Variants in CDCP1 observed in about 807,000 individuals in gnomAD.
CDCP1 encodes the protein CUB domain-containing protein 1.
In CDCP1, 29 loss-of-function variants were observed where a neutral mutation model predicts 60.2. The observed-to-expected ratio is 0.48, with a 90% CI of 0.36 to 0.66. The LOEUF (loss-of-function observed/expected upper bound fraction) is 0.66, where lower values mean the gene tolerates loss of function less well. Ranked by LOEUF, CDCP1 falls within the 30% of genes least tolerant of loss-of-function variation. CDCP1 has a pLI of 0.00. For synonymous variants in CDCP1, 387 were observed against 431.1 expected, an observed-to-expected ratio of 0.90 and a Z score of 1.27; for missense variants, 876 against 1,074.3, an observed-to-expected ratio of 0.82 and a Z score of 2.58.
intron 4 of CDCP1, among the ~76,000 whole-genome samples, chr3:45,107,003 G>T (rs989177516): frequency 6.6e-6 from 1 of 152,096 alleles, no homozygotes; most frequent in African/African-American, 2.4e-5. Context: ...CACAGATGGG[G>T]CCTCCTGCAC....
At chr3:45,145,482 A>C (rs1050931131) in intron 1 of CDCP1, among the ~76,000 whole-genome samples, 2 of 152,134 alleles carry the variant, frequency 1.3e-5, no homozygotes, top group Non-Finnish European at 2.9e-5. Context: ...CGAAATTCAC[A>C]CATATCCCCG....
chr3:45,092,851 C>A (rs1000202769), intron 6 of CDCP1, among the ~76,000 whole-genome samples: 1 of 152,202 alleles, frequency 6.6e-6, no homozygotes, highest in Non-Finnish European at 1.5e-5. Flanking sequence ...TCCCTCCCAA[C>A]GCTCCTCCCT....
chr3:45,141,989 G>C (rs543064961), intron 1 of CDCP1, among the ~76,000 whole-genome samples: 12 of 152,206 alleles, frequency 7.9e-5, no homozygotes, highest in African/African-American at 2.9e-4. Context: ...GTACCACCAT[G>C]TTTGGCTAAT....
At chr3:45,138,807 T>C (rs930803889) in intron 1 of CDCP1, among the ~76,000 whole-genome samples, 3 of 151,980 alleles carry the variant, frequency 2.0e-5, no homozygotes, top group African/African-American at 4.8e-5. Flanking sequence ...GATTGTGCCA[T>C]TGTACTCTAG....
intron 1 of CDCP1, among the ~76,000 whole-genome samples, chr3:45,145,324 G>T (rs1266957358): frequency 1.3e-5 from 2 of 152,054 alleles, no homozygotes; most frequent in Non-Finnish European, 2.9e-5. Context: ...TACTAATCTC[G>T]CGAAACCTGT....
intron 4 of CDCP1, among the ~76,000 whole-genome samples, chr3:45,099,185 T>C (rs1364217013): frequency 1.3e-5 from 2 of 151,976 alleles, no homozygotes; most frequent in African/African-American, 4.8e-5. Context: ...AGGTGCTTCT[T>C]GAGAAAGTAT....
In CDCP1 at chr3:45,118,874, T is replaced by C. The variant is rs148849797; in HGVS notation, c.83-253A>G. The stretch of plus-strand genomic sequence containing the variant: ...TAATTTTTCTACAAATTGAAAACAC[T>C]ATACCACATTCTAGATGTCTTGAGC... On this transcript the variant is annotated intron_variant, in intron 1 of 8. Transcript: ENST00000296129. Among the ~76,000 whole-genome samples the C allele has an allele frequency of 1.0e-3, 156 of 152,376 alleles. 2 individuals carry two copies. Among genetic ancestry groups the C allele is most frequent in the African/African-American group, 3.6e-3 (149 of 41,580 alleles).
rs978997939 is a variant in CDCP1 at position 45,115,413 on chromosome 3, A to G, written c.293-2968T>C. On this transcript the variant is annotated intron_variant, in intron 2 of 8. Transcript: ENST00000296129. The stretch of plus-strand genomic sequence containing the variant: ...TTTGTGTGCATGTATGTAAGTGTGC[A>G]TGTGCACATGTGTGTATTTAATAGA... 2.4e-4 allele frequency among the ~76,000 whole-genome samples: 36 copies of G among 152,314 alleles called. 1 individual carries two copies. Among genetic ancestry groups the G allele is most frequent in the Middle Eastern group, 6.8e-3 (2 of 294 alleles).
chr3:45,112,228 G>A lies in CDCP1; in HGVS notation c.510C>T (p.Thr170=), dbSNP rs746674945. ...THSISGRIDA[T]VVRIGTFCSN... The stretch of plus-strand genomic sequence containing the variant: ...TGCAGAAGGTTCCGATCCTGACCAC[G>A]GTGGCATCGATTCGGCCGCTGATGG... The change falls in exon 3 of 9, where the codon ACC becomes ACT. Residue 170 remains threonine (T), a synonymous_variant. Transcript: ENST00000296129. 1.3e-5 allele frequency: 21 copies of A among 1,614,050 alleles called. No individual in the cohort carries two copies. The East Asian group carries it at 2.9e-4, about 22-fold the overall frequency.
intron 4 of CDCP1, among the ~76,000 whole-genome samples, chr3:45,095,892 G>A (rs566980228): frequency 9.2e-5 from 14 of 152,326 alleles, no homozygotes; most frequent in South Asian, 2.1e-4. Context: ...CAAGGGACAC[G>A]TCGGGAGAAA....
At chr3:45,141,567 G>T (rs531890406) in intron 1 of CDCP1, among the ~76,000 whole-genome samples, 1 of 152,290 alleles carries the variant, frequency 6.6e-6, no homozygotes, top group East Asian at 1.9e-4. Context: ...ATGCTTATTT[G>T]TAAAATCCTC....
intron 4 of CDCP1, among the ~76,000 whole-genome samples, chr3:45,107,497 C>T (rs910472583): frequency 5.3e-5 from 8 of 152,142 alleles, no homozygotes; most frequent in African/African-American, 1.2e-4. Context: ...TGAGCCACCG[C>T]GCCCGGCCCG....
rs1698336232 is a variant in CDCP1 at position 45,093,415 on chromosome 3, A to G, written c.1489T>C (p.Ser497Pro). The G allele has an allele frequency of 1.2e-6, 2 of 1,613,770 alleles. No individual in the cohort carries two copies. Among genetic ancestry groups the G allele is most frequent in the African/African-American group, 1.3e-5 (1 of 74,834 alleles). Residue 497 changes from serine to proline, a missense_variant, in exon 6 of 9, where the codon TCC becomes CCC. Physicochemically the swap from Ser to Pro is moderately conservative, Grantham distance 74 (BLOSUM62 -1). Coordinates refer to ENST00000296129, the MANE Select transcript of CDCP1 (RefSeq NM_022842.5). ...AIPSQDLYFG[S>P]FCPGGSIKQI... Reference sequence around the variant, plus strand: ...TTGATAGAGCCTCCCGGGCAGAAGGAGCCGAAGTACAGGTCCTGGCTGGGT... The same window carrying G: ...TTGATAGAGCCTCCCGGGCAGAAGGGGCCGAAGTACAGGTCCTGGCTGGGT...
intron 7 of CDCP1, among the ~76,000 whole-genome samples, 199 bp downstream of exon 7, chr3:45,090,974 G>A (rs1265841213): frequency 6.6e-6 from 1 of 152,138 alleles, no homozygotes; most frequent in African/African-American, 2.4e-5. Flanking sequence ...GCCAACGTTG[G>A]AGCAATAATA....
chr3:45,125,316 G>T (rs552726389), intron 1 of CDCP1, among the ~76,000 whole-genome samples: 2 of 152,170 alleles, frequency 1.3e-5, no homozygotes, highest in Non-Finnish European at 2.9e-5. Context: ...TCACCCACTG[G>T]GACCAGCACA....
intron 1 of CDCP1, among the ~76,000 whole-genome samples, chr3:45,132,096 C>T (rs1219060350): frequency 2.0e-5 from 3 of 151,944 alleles, no homozygotes; most frequent in Middle Eastern, 3.4e-3. Context: ...AATTAGCAGG[C>T]GTGGTGGCAC....
In CDCP1 at chr3:45,087,572, CT is replaced by C. The variant is rs201053179; in HGVS notation, c.2081+1481del. ...ACATGATGTTTCCTTAAAAGCAGTC[CT>C]TTTTCCCCCATGTGTTATAGGTACA... On this transcript the variant is annotated intron_variant, in intron 8 of 8. Coordinates refer to ENST00000296129, the MANE Select transcript of CDCP1 (RefSeq NM_022842.5). 1.1e-3 allele frequency among the ~76,000 whole-genome samples: 163 copies of C among 152,306 alleles called. 5 individuals carry two copies. The East Asian group carries it at 0.016, about 15-fold the overall frequency.
At position 45,095,562 on chromosome 3, in the gene CDCP1, A is replaced by G. The variant is rs998187220; in HGVS notation, c.1031T>C (p.Ile344Thr). 1 of 1,613,774 alleles carries G rather than the reference A, an allele frequency of 6.2e-7. No homozygotes were observed. The highest frequency in any genetic ancestry group is 8.5e-7 in the Non-Finnish European group (1 of 1,179,746). Residue 344 changes from isoleucine (I) to threonine (T), a missense_variant, in exon 5 of 9, where the codon ATC becomes ACC. Coordinates refer to ENST00000296129, the MANE Select transcript of CDCP1 (RefSeq NM_022842.5). The part of the protein sequence containing the change: ...VQHPQNESNK[I>T]YVVDLSNERA... The stretch of plus-strand genomic sequence containing the variant: ...CTCATTACTCAAGTCAACCACGTAG[A>G]TTTTATCTGAAACCACAAACAGAAA...
rs1174157706 is a variant in CDCP1 at position 45,106,620 on chromosome 3, G to A, written c.1024+3853C>T. Among the ~76,000 whole-genome samples the A allele has an allele frequency of 3.3e-5, 5 of 152,242 alleles. No homozygotes were observed. In the East Asian group the frequency reaches 7.7e-4, roughly 23 times the overall value. On this transcript the variant is annotated intron_variant, in intron 4 of 8. Transcript: ENST00000296129. ...AAGACAAGATTCCTGACTGGGAGGA[G>A]TTTAGTAAGATGCAGACGTGGAGAC...
Sources: allele counts gnomAD v4.1 joint callset (sites outside exome capture counted in the v4.1 genomes callset), GRCh38; gene constraint gnomAD v4.1.1; transcripts MANE v1.5; gene names NCBI Gene and HGNC (gene_info 2026-07-23, HGNC 2026-07-21).